SCAMP4: variants seen among roughly 807,000 people sequenced by gnomAD.
SCAMP4 encodes secretory carrier membrane protein 4, also known as secretory carrier-associated membrane protein 4.
SCAMP4 carries 19 observed loss-of-function variants against 32.1 expected under a neutral mutation model. The ratio of observed to expected loss-of-function variants is 0.59; its 90% CI spans 0.41 to 0.87. The LOEUF is 0.87. SCAMP4 is among the 40% of genes least tolerant of loss of function. The pLI, the probability that SCAMP4 is intolerant of heterozygous loss-of-function variation, is 0.00. For missense variants in SCAMP4, 302 were observed against 309.0 expected (o/e 0.98, Z 0.17); for synonymous variants, 152 against 132.7 (o/e 1.15, Z -1.00).
Position 1,908,709 on chromosome 19 carries a change from C to T in SCAMP4, c.-42+3270C>T, listed in dbSNP as rs1228997501. The T allele has an allele frequency of 5.1e-6, 2 of 392,044 alleles. No homozygotes were observed. The highest frequency in any genetic ancestry group is 1.0e-5 in the Non-Finnish European group (2 of 198,038). 24.3% of individuals were successfully genotyped at this position (392,044 alleles called of 1,614,324 possible). A position where few individuals can be genotyped will look rare whatever the true frequency, so the allele number is the denominator to read the frequency against. ...GAACAGGGTCTCTCTATCTTGCCCA[C>T]GTTGGTCTCAAACTCCTGTGCTTAA... On this transcript the variant is annotated intron_variant, in intron 1 of 6. Coordinates refer to ENST00000316097, the MANE Select transcript of SCAMP4 (RefSeq NM_079834.4). The surrounding 1 kb of genome is among the most constrained non-coding windows in gnomAD (Gnocchi z 4.2).
chr19:1,912,034 C>T, intron 1 of SCAMP4: 2 of 1,416,740 alleles, frequency 1.4e-6, no homozygotes, highest in East Asian at 5.5e-5. Flanking sequence ...CCCCCAGCCG[C>T]CCGCAGCCGC....
At chr19:1,914,935 C>T (rs2013679305) in intron 1 of SCAMP4, 44 bp from the exon 2 acceptor site, 1 of 1,545,444 alleles carries the variant, frequency 6.5e-7, no homozygotes, top group South Asian at 1.1e-5. Context: ...GCGCTCTGCC[C>T]AGGGCAGCTC....
intron 1 of SCAMP4, among the ~76,000 whole-genome samples, chr19:1,911,012 A>C (rs950260558): frequency 6.6e-6 from 1 of 151,968 alleles, no homozygotes; most frequent in Non-Finnish European, 1.5e-5. Context: ...AGTAGCTGGG[A>C]CTACAGGTGC....
chr19:1,917,912 G>A, intron 3 of SCAMP4, 90 bp downstream of exon 3: 1 of 1,548,848 alleles, frequency 6.5e-7, no homozygotes. Context: ...GCCCGTCGGG[G>A]GCCCACCGTC....
chr19:1,920,451 GC>G (rs2145456555), intron 5 of SCAMP4: 2 of 620,462 alleles, frequency 3.2e-6, no homozygotes, highest in African/African-American at 2.0e-5. Context: ...CTGCACCTGC[GC>G]CTGGCGCCAG....
intron 1 of SCAMP4, among the ~76,000 whole-genome samples, chr19:1,910,707 G>C (rs1446710675): frequency 6.7e-6 from 1 of 148,454 alleles, no homozygotes. Context: ...TTCCTGAGTA[G>C]CTGGGATTAC....
chr19:1,921,457 C>T (rs1031919141), intron 5 of SCAMP4: 1 of 985,254 alleles, frequency 1.0e-6, no homozygotes, highest in African/African-American at 1.7e-5. Flanking sequence ...GCAGGGGCCC[C>T]CGGTGGGCCC....
chr19:1,916,599 C>T (rs2013741253), intron 2 of SCAMP4, among the ~76,000 whole-genome samples: 2 of 152,150 alleles, frequency 1.3e-5, no homozygotes, highest in Non-Finnish European at 2.9e-5. Flanking sequence ...GCTGGGACCA[C>T]AGGCACGCAC....
At chr19:1,912,576 G>C (rs1319907275) in intron 1 of SCAMP4, 2 of 1,496,808 alleles carry the variant, frequency 1.3e-6, no homozygotes, top group African/African-American at 1.5e-5. Flanking sequence ...CAGCGCCCTG[G>C]CTGGGCGGCT....
rs373435718 is a variant in SCAMP4 at position 1,912,917 on chromosome 19, C to T, written c.-41-2062C>T. The T allele has an allele frequency of 1.2e-5, 19 of 1,609,640 alleles. No homozygotes were observed. Among genetic ancestry groups the T allele is most frequent in the South Asian group, 3.3e-5 (3 of 91,078 alleles). The stretch of plus-strand genomic sequence containing the variant: ...GTAAACTGGACGCAGACGAGGACGG[C>T]CTCCCCTACCTGTGCACTGGCTACG... On this transcript the variant is annotated intron_variant, in intron 1 of 6. Transcript: ENST00000316097.
intron 6 of SCAMP4, among the ~76,000 whole-genome samples, chr19:1,923,732 C>T (rs1416308453): frequency 6.7e-6 from 1 of 149,780 alleles, no homozygotes; most frequent in Non-Finnish European, 1.5e-5. Context: ...CATTCTCCTG[C>T]CTCAGCCTCC....
In SCAMP4 at chr19:1,912,166, C is replaced by T. The variant is rs201103825; in HGVS notation, c.-41-2813C>T. 2.2e-4 allele frequency: 351 copies of T among 1,572,158 alleles called. 2 individuals are homozygous for T. The highest frequency in any genetic ancestry group is 5.0e-4 in the Admixed American group (27 of 54,236). ...GCCGGGAGCCCGGAGCCTGAGCCGG[C>T]GCCGTGGCAGGCCCTCCCTGTCCTG... On this transcript the variant is annotated intron_variant, in intron 1 of 6. Transcript: ENST00000316097.
chr19:1,918,677 G>A (rs529741664), intron 4 of SCAMP4: 13 of 707,936 alleles, frequency 1.8e-5, no homozygotes, highest in African/African-American at 9.0e-5. Flanking sequence ...CAAGAGAATC[G>A]CTTGAACCCG....
Position 1,918,959 on chromosome 19 carries a change from C to T in SCAMP4, c.364C>T (p.Gln122Ter), listed in dbSNP as rs1360792358. 6.2e-7 allele frequency: 1 copy of T among 1,612,122 alleles called. No individual in the cohort carries two copies. ...AGCCCAGTTTGTCCTGACCGTCATC[C>T]AGGCGATTGGCTTCTCCGGCTGGGG... Reference protein sequence around the residue: ...FGAQFVLTVIQAIGFSGWGAC... With the variant: ...FGAQFVLTVI The change falls in exon 5 of 7, where the codon CAG becomes TAG. Residue 122 changes from glutamine (Q) to a stop codon, truncating the protein, a stop_gained. Transcript: ENST00000316097. LOFTEE classifies it high-confidence loss of function.
At chr19:1,915,631 C>G (rs1360732939) in intron 2 of SCAMP4, 1 of 156,006 alleles carries the variant, frequency 6.4e-6, no homozygotes, top group Admixed American at 6.1e-5. Flanking sequence ...GAGCTCTCAT[C>G]CCAGTGCCTG....
intron 2 of SCAMP4, 53 bp from the exon 3 acceptor site, chr19:1,917,641 C>T (rs188705910): frequency 4.2e-5 from 67 of 1,609,212 alleles, no homozygotes; most frequent in East Asian, 1.3e-4. Flanking sequence ...TGAGGTGGGG[C>T]CTCCTTCAAG....
At chr19:1,920,635 C>A (rs1599254965) in intron 5 of SCAMP4, 1 of 985,470 alleles carries the variant, frequency 1.0e-6, no homozygotes. Context: ...TGGGGTGCTT[C>A]CCCCTCCTGC....
In SCAMP4 at chr19:1,924,610, T is replaced by G. The variant is rs964763657; in HGVS notation, c.*326T>G. On this transcript the variant is annotated 3_prime_UTR_variant, in exon 7 of 7. Transcript: ENST00000316097. ...TTGTCTTCAGGTCTCGAGGCCTGAC[T>G]CCGGGGGACAGGTGGCAGCAGGTCG... The G allele has an allele frequency of 6.1e-6, 2 of 326,370 alleles. No individual in the cohort carries two copies. Among genetic ancestry groups the G allele is most frequent in the African/African-American group, 4.1e-5 (2 of 48,230 alleles). The allele number at this position is 326,370 out of a possible 1,614,324, so 20.2% of individuals were successfully genotyped here. A position where few individuals can be genotyped will look rare whatever the true frequency, so the allele number is the denominator to read the frequency against.
intron 1 of SCAMP4, chr19:1,911,848 G>A (rs544156634): frequency 8.0e-6 from 4 of 502,362 alleles, no homozygotes; most frequent in African/African-American, 2.0e-5. Context: ...TTATATCTTC[G>A]TTTTTAAAAA....
Sources: gnomAD v4.1 joint callset for allele counts (sites outside exome capture counted in the v4.1 genomes callset) on GRCh38, gnomAD v4.1.1 for gene constraint, Gnocchi (gnomAD v3.1) non-coding constraint, MANE v1.5 for transcripts, NCBI Gene and HGNC (gene_info 2026-07-23, HGNC 2026-07-21) for gene names.